VPS45: variants seen among roughly 807,000 people sequenced by gnomAD.
VPS45 encodes the protein vacuolar protein sorting 45 homolog.
VPS45 carries 35 observed loss-of-function variants against 75.9 expected under a neutral mutation model. That is an observed-to-expected ratio of 0.46 (90% CI 0.35 to 0.61). The LOEUF is 0.61. Among genes scored for constraint, VPS45 ranks in the 20% least tolerant of loss-of-function variants. The probability of loss-of-function intolerance (pLI) is 0.00; values close to 1 mark genes in which losing one functional copy is unlikely to be tolerated. For missense variants in VPS45, 559 were observed against 685.9 expected (o/e 0.81, Z 2.07); for synonymous variants, 220 against 238.2 (o/e 0.92, Z 0.70).
chr1:150,126,372 G>A (rs1658518906), intron 14 of VPS45, among the ~76,000 whole-genome samples: 2 of 151,922 alleles, frequency 1.3e-5, no homozygotes, highest in African/African-American at 4.8e-5. Flanking sequence ...CACCATGCCT[G>A]GCTAATTTTT....
intron 14 of VPS45, among the ~76,000 whole-genome samples, chr1:150,131,426 G>A (rs1401974168): frequency 3.9e-5 from 6 of 151,986 alleles, no homozygotes; most frequent in African/African-American, 7.3e-5. Flanking sequence ...GAGAATCATC[G>A]CTTGAACTTG....
Position 150,068,778 on chromosome 1 carries a change from T to G in VPS45, c.228+14T>G. ...CGACCTACAAAGGTACTGCATAAAC[T>G]GAGCTTCCATCTGCCCAGGCAGATG... On this transcript the variant is annotated intron_variant, in intron 2 of 14. Coordinates refer to ENST00000644510, the MANE Select transcript of VPS45 (RefSeq NM_007259.5). 1 of 1,590,768 alleles carries G rather than the reference T, an allele frequency of 6.3e-7. No homozygotes were observed. The highest frequency in any genetic ancestry group is 8.6e-7 in the Non-Finnish European group (1 of 1,168,244).
intron 14 of VPS45, among the ~76,000 whole-genome samples, chr1:150,128,595 G>A (rs1553811418): frequency 6.6e-6 from 1 of 152,168 alleles, no homozygotes; most frequent in African/African-American, 2.4e-5. Context: ...GTAACCACCA[G>A]TAGGTTCAAT....
At chr1:150,121,068 T>C (rs138530317) in intron 14 of VPS45, among the ~76,000 whole-genome samples, 4,101 of 151,538 alleles carry the variant, frequency 0.027, 144 homozygotes, top group African/African-American at 0.089. Flanking sequence ...GGGGTTTCAC[T>C]GTGGTCTCGA....
Position 150,145,007 on chromosome 1 carries a change from C to A in VPS45, c.*211C>A. 7.6e-7 allele frequency: 1 copy of A among 1,307,340 alleles called. No individual in the cohort carries two copies. The highest frequency in any genetic ancestry group is 1.0e-6 in the Non-Finnish European group (1 of 960,458). The allele number at this position is 1,307,340 out of a possible 1,614,324, so 81.0% of individuals were successfully genotyped here. A position where few individuals can be genotyped will look rare whatever the true frequency, so the allele number is the denominator to read the frequency against. On this transcript the variant is annotated 3_prime_UTR_variant, in exon 15 of 15. Coordinates refer to ENST00000644510, the MANE Select transcript of VPS45 (RefSeq NM_007259.5). ...GAGCCCATCTCAACCCACTTTTCTC[C>A]GGTAGTCTTTATGTATCTGTTAGCA...
At chr1:150,132,452 G>A (rs1000389623) in intron 14 of VPS45, among the ~76,000 whole-genome samples, 2 of 152,092 alleles carry the variant, frequency 1.3e-5, no homozygotes, top group Non-Finnish European at 1.5e-5. Context: ...CAATTTTAAA[G>A]AGCCATCAAT....
chr1:150,082,399 G>A (rs371472920), intron 9 of VPS45, among the ~76,000 whole-genome samples: 25 of 152,122 alleles, frequency 1.6e-4, no homozygotes, highest in African/African-American at 5.8e-4. Flanking sequence ...CCAGCTACTC[G>A]GGAGGCTGAG....
At chr1:150,105,805 T>C (rs1204515817) in intron 13 of VPS45, among the ~76,000 whole-genome samples, 2 of 152,092 alleles carry the variant, frequency 1.3e-5, no homozygotes, top group South Asian at 2.1e-4. Flanking sequence ...ATAGCCAAGG[T>C]GCTCCTAAGC....
At chr1:150,071,734 G>A (rs1215344933) in intron 2 of VPS45, among the ~76,000 whole-genome samples, 1 of 147,790 alleles carries the variant, frequency 6.8e-6, no homozygotes, top group African/African-American at 2.5e-5. Flanking sequence ...GTTACAGTGA[G>A]CCAAGATTGT....
At chr1:150,119,600 C>A (rs1658123869) in intron 14 of VPS45, among the ~76,000 whole-genome samples, 1 of 152,118 alleles carries the variant, frequency 6.6e-6, no homozygotes, top group African/African-American at 2.4e-5. Context: ...CACTTAGAAT[C>A]ATGTAAGTCA....
intron 14 of VPS45, among the ~76,000 whole-genome samples, chr1:150,140,151 G>T (rs1286027241): frequency 6.6e-6 from 1 of 152,076 alleles, no homozygotes; most frequent in African/African-American, 2.4e-5. Context: ...TGATCCTCCC[G>T]CCTTGGCCTC....
intron 13 of VPS45, among the ~76,000 whole-genome samples, chr1:150,094,520 T>C (rs1272577738): frequency 7.1e-6 from 1 of 141,138 alleles, no homozygotes; most frequent in Admixed American, 7.5e-5. Context: ...TTAAAAAATT[T>C]TTTTCTGTAA....
intron 2 of VPS45, among the ~76,000 whole-genome samples, chr1:150,070,893 T>C (rs1655030577): frequency 6.6e-6 from 1 of 151,770 alleles, no homozygotes; most frequent in Non-Finnish European, 1.5e-5. Context: ...ATATTCTCTT[T>C]TGTCTTTTTC....
intron 1 of VPS45, 147 bp downstream of exon 1, chr1:150,068,097 C>A: frequency 2.5e-6 from 2 of 805,630 alleles, no homozygotes. Context: ...TTATATAAAG[C>A]TTGCCCGGTG....
chr1:150,129,314 G>T (rs1310668273), intron 14 of VPS45, among the ~76,000 whole-genome samples: 3 of 151,932 alleles, frequency 2.0e-5, no homozygotes, highest in Non-Finnish European at 4.4e-5. Flanking sequence ...ATTCCAATTT[G>T]TTTGTGCACT....
intron 10 of VPS45, among the ~76,000 whole-genome samples, chr1:150,084,597 G>A (rs1014411476): frequency 1.3e-5 from 2 of 152,116 alleles, no homozygotes; most frequent in African/African-American, 4.8e-5. Flanking sequence ...CCACTTATAA[G>A]AAGCACATTT....
chr1:150,098,993 A>G (rs782005430), intron 13 of VPS45: 5 of 1,118,658 alleles, frequency 4.5e-6, no homozygotes, highest in Non-Finnish European at 5.5e-6. Context: ...TCTTGTTGCT[A>G]CAGCTTATTT....
intron 14 of VPS45, among the ~76,000 whole-genome samples, chr1:150,131,381 C>T (rs181628789): frequency 3.3e-5 from 5 of 151,956 alleles, no homozygotes; most frequent in African/African-American, 9.7e-5. Context: ...TGGTGGCGGG[C>T]GCCTGTAATC....
chr1:150,110,716 A>G, intron 14 of VPS45, 89 bp downstream of exon 14: 1 of 1,297,382 alleles, frequency 7.7e-7, no homozygotes, highest in Non-Finnish European at 1.0e-6. Flanking sequence ...TTTGGTCAAT[A>G]CTCACCAAAC....
Sources: allele counts gnomAD v4.1 joint callset (sites outside exome capture counted in the v4.1 genomes callset), GRCh38; gene constraint gnomAD v4.1.1; transcripts MANE v1.5; gene names NCBI Gene and HGNC (gene_info 2026-07-23, HGNC 2026-07-21).